The following SRL variants were observed in gnomAD, a reference collection of about 807,000 sequenced individuals.
SRL encodes the protein sarcalumenin.
A neutral mutation model predicts 39.5 loss-of-function variants in SRL; 23 were observed. The observed-to-expected ratio is 0.58, with a 90% confidence interval of 0.42 to 0.82. SRL has a LOEUF of 0.82. SRL is among the 40% of genes least tolerant of loss of function. SRL has a pLI of 0.00. For synonymous variants in SRL, 272 were observed against 237.4 expected, an observed-to-expected ratio of 1.15 and a Z score of -1.34; for missense variants, 592 against 607.8, an observed-to-expected ratio of 0.97 and a Z score of 0.27.
chr16:4,203,712 C>A (rs1266443271), intron 2 of SRL, among the ~76,000 whole-genome samples: 1 of 152,016 alleles, frequency 6.6e-6, no homozygotes, highest in East Asian at 1.9e-4. Flanking sequence ...TAAAACCTCT[C>A]TCCTCCTTCC....
intron 1 of SRL, among the ~76,000 whole-genome samples, chr16:4,223,569 A>G (rs1396626121): frequency 6.8e-6 from 1 of 146,032 alleles, no homozygotes; most frequent in Admixed American, 6.8e-5. Context: ...TTTTTTTTGT[A>G]GAGACAGGGT....
chr16:4,204,208 C>G (rs1476256259), intron 2 of SRL, among the ~76,000 whole-genome samples: 2 of 152,186 alleles, frequency 1.3e-5, no homozygotes, highest in Non-Finnish European at 2.9e-5. Flanking sequence ...AACTAAAAAT[C>G]ACAGCGAGGG....
intron 1 of SRL, among the ~76,000 whole-genome samples, chr16:4,228,363 G>A (rs1047687836): frequency 1.3e-5 from 2 of 152,162 alleles, no homozygotes; most frequent in Non-Finnish European, 2.9e-5. Context: ...TTGAACCCGG[G>A]AGGTGGAGGT....
intron 1 of SRL, among the ~76,000 whole-genome samples, chr16:4,205,538 C>T (rs1202452347): frequency 4.0e-5 from 6 of 150,552 alleles, no homozygotes; most frequent in African/African-American, 7.4e-5. Flanking sequence ...CTCAGCAGCA[C>T]GGTCAGAGAA....
chr16:4,220,592 C>T (rs931768029), intron 1 of SRL, among the ~76,000 whole-genome samples: 3 of 152,180 alleles, frequency 2.0e-5, no homozygotes, highest in Admixed American at 6.5e-5. Flanking sequence ...CCCCTCAGGC[C>T]GGGCCTCCAA....
At chr16:4,235,935 A>T (rs1044797405) in intron 1 of SRL, among the ~76,000 whole-genome samples, 2 of 151,558 alleles carry the variant, frequency 1.3e-5, no homozygotes, top group Admixed American at 1.3e-4. Context: ...AAAAATGCAA[A>T]ATTAGCCGGG....
chr16:4,191,972 G>A lies in SRL; in HGVS notation c.*181C>T. Reference sequence around the variant, plus strand: ...CAAGACAAGCACACAGGAATTCACAGTTTCCACTCTCCTCCCTAGACCCAC... The same window carrying A: ...CAAGACAAGCACACAGGAATTCACAATTTCCACTCTCCTCCCTAGACCCAC... On this transcript the variant is annotated 3_prime_UTR_variant, in exon 6 of 6. Coordinates refer to ENST00000399609, the MANE Select transcript of SRL (RefSeq NM_001098814.2). The A allele has an allele frequency of 1.7e-6, 1 of 604,900 alleles. No individual in the cohort carries two copies. Among genetic ancestry groups the A allele is most frequent in the Non-Finnish European group, 2.8e-6 (1 of 361,676 alleles). The allele number at this position is 604,900 out of a possible 1,614,324, so 37.5% of individuals were successfully genotyped here.
At chr16:4,223,413 T>C (rs2052553088) in intron 1 of SRL, among the ~76,000 whole-genome samples, 1 of 151,990 alleles carries the variant, frequency 6.6e-6, no homozygotes, top group Non-Finnish European at 1.5e-5. Context: ...AATCTTGCTC[T>C]GTCACTCCAG....
At chr16:4,210,911 T>A (rs1171048450) in intron 1 of SRL, among the ~76,000 whole-genome samples, 1 of 152,166 alleles carries the variant, frequency 6.6e-6, no homozygotes, top group Non-Finnish European at 1.5e-5. Flanking sequence ...GGGAGCCTGT[T>A]AGAGACGCAG....
At chr16:4,227,201 GA>G (rs2052602901) in intron 1 of SRL, among the ~76,000 whole-genome samples, 1 of 151,522 alleles carries the variant, frequency 6.6e-6, no homozygotes, top group Admixed American at 6.6e-5. Context: ...CGGACAGATA[GA>G]TGGGTGGATG....
At chr16:4,232,184 G>T (rs2052666721) in intron 1 of SRL, among the ~76,000 whole-genome samples, 1 of 152,230 alleles carries the variant, frequency 6.6e-6, no homozygotes, top group Admixed American at 6.5e-5. Context: ...CAGGAAAGGA[G>T]GTGGGCTGGT....
intron 1 of SRL, among the ~76,000 whole-genome samples, chr16:4,238,782 C>G (rs57633452): frequency 6.7e-6 from 1 of 150,186 alleles, no homozygotes; most frequent in Admixed American, 6.7e-5. Context: ...ACCCCTACAC[C>G]GAGCTATTTT....
At chr16:4,197,026 T>C (rs1025435296) in intron 4 of SRL, among the ~76,000 whole-genome samples, 1 of 151,588 alleles carries the variant, frequency 6.6e-6, no homozygotes, top group Non-Finnish European at 1.5e-5. Flanking sequence ...TTGGTGCAGA[T>C]GTCTTTTTTT....
At chr16:4,224,588 G>C (rs2052566686) in intron 1 of SRL, among the ~76,000 whole-genome samples, 1 of 152,096 alleles carries the variant, frequency 6.6e-6, no homozygotes, top group African/African-American at 2.4e-5. Context: ...GCTCACACCT[G>C]TGGTCCTACC....
intron 1 of SRL, among the ~76,000 whole-genome samples, chr16:4,226,983 TGTGGGTGGATGA>T (rs2052597962): frequency 1.5e-5 from 2 of 133,566 alleles, no homozygotes; most frequent in African/African-American, 5.8e-5. Context: ...TGAATAGGTG[TGTGGGTGGATGA>T]GTGGGTGGAT....
At chr16:4,239,167 C>T (rs945444257) in intron 1 of SRL, among the ~76,000 whole-genome samples, 1 of 152,208 alleles carries the variant, frequency 6.6e-6, no homozygotes, top group African/African-American at 2.4e-5. Flanking sequence ...GTGCTGGCCT[C>T]TTTCCAGAAA....
rs142555660 is a variant in SRL at position 4,230,714 on chromosome 16, G to T, written c.61+11293C>A. On this transcript the variant is annotated intron_variant, in intron 1 of 5. Coordinates refer to ENST00000399609, the MANE Select transcript of SRL (RefSeq NM_001098814.2). ...GAATGTGACCTTCTATGGAAACAGG[G>T]TCTTTGCAAATGTAATTAGTTAAGA... Among the ~76,000 whole-genome samples, 768 of 152,132 alleles carry T rather than the reference G, an allele frequency of 5.0e-3. 5 individuals are homozygous for T. The highest frequency in any genetic ancestry group is 0.018 in the African/African-American group (731 of 41,486).
Position 4,190,143 on chromosome 16 carries a change from AG to A in SRL, c.*2009del, listed in dbSNP as rs2052043925. ...CTCGGGTGTTCTTGTGGAAGGGTCC[AG>A]GCCCTCCACAAAGCCAAACGCAACG... On this transcript the variant is annotated 3_prime_UTR_variant, in exon 6 of 6. Coordinates refer to ENST00000399609, the MANE Select transcript of SRL (RefSeq NM_001098814.2). 2.5e-6 allele frequency: 1 copy of A among 397,432 alleles called. No homozygotes were observed. The highest frequency in any genetic ancestry group is 4.4e-6 in the Non-Finnish European group (1 of 225,930). The allele number at this position is 397,432 out of a possible 1,614,324, so 24.6% of individuals were successfully genotyped here. A position where few individuals can be genotyped will look rare whatever the true frequency, so the allele number is the denominator to read the frequency against.
chr16:4,222,570 G>A (rs112290141), intron 1 of SRL, among the ~76,000 whole-genome samples: 19,168 of 151,982 alleles, frequency 0.13, 2,148 homozygotes, highest in African/African-American at 0.3. Context: ...CACTGCACCC[G>A]GCTTTTTTGT....
Sources: allele counts gnomAD v4.1 joint callset (sites outside exome capture counted in the v4.1 genomes callset), GRCh38; gene constraint gnomAD v4.1.1; transcripts MANE v1.5; gene names NCBI Gene and HGNC (gene_info 2026-07-23, HGNC 2026-07-21).